The following KLF12 variants were observed in gnomAD, a reference collection of about 807,000 sequenced individuals.
The protein encoded by KLF12 is KLF transcription factor 12.
A neutral mutation model predicts 37.8 loss-of-function variants in KLF12; 9 were observed. The observed-to-expected ratio is 0.24, with a 90% CI of 0.14 to 0.42. The LOEUF is 0.42. KLF12 is among the 10% of genes least tolerant of loss of function. The pLI, the probability that KLF12 is intolerant of heterozygous loss-of-function variation, is 1.00. For missense variants in KLF12, 411 were observed against 516.0 expected, an observed-to-expected ratio of 0.80 and a Z score of 1.97; for synonymous variants, 208 against 202.1, an observed-to-expected ratio of 1.03 and a Z score of -0.25.
intron 3 of KLF12, among the ~76,000 whole-genome samples, chr13:73,854,234 TTA>T (rs1315254983): frequency 6.6e-6 from 1 of 152,230 alleles, no homozygotes; most frequent in Non-Finnish European, 1.5e-5. Flanking sequence ...GGATAAATCT[TTA>T]TCCTAAACCA....
At chr13:74,196,189 AT>A in the KLF12 span, among the ~76,000 whole-genome samples, 1 of 152,074 alleles carries the variant, frequency 6.6e-6, no homozygotes, top group East Asian at 1.9e-4. Context: ...CATATTTGGT[AT>A]GTTGGATATC....
chr13:73,730,370 G>C (rs1219943752), intron 6 of KLF12, among the ~76,000 whole-genome samples: 1 of 152,078 alleles, frequency 6.6e-6, no homozygotes, highest in African/African-American at 2.4e-5. Flanking sequence ...AAAAACCTTG[G>C]TGGCAGGTTA....
chr13:73,873,741 A>G (rs1200063763), intron 3 of KLF12, among the ~76,000 whole-genome samples: 1 of 152,184 alleles, frequency 6.6e-6, no homozygotes, highest in Non-Finnish European at 1.5e-5. Context: ...ACATGCTATA[A>G]AAAGATTTAA....
the KLF12 span, among the ~76,000 whole-genome samples, chr13:74,168,716 A>G: frequency 6.6e-6 from 1 of 152,236 alleles, no homozygotes; most frequent in East Asian, 1.9e-4. Context: ...GTGAGTTAGG[A>G]GGCTGCTGAA....
chr13:74,019,891 GT>G (rs1232964498), intron 1 of KLF12, among the ~76,000 whole-genome samples: 1 of 152,180 alleles, frequency 6.6e-6, no homozygotes, highest in Non-Finnish European at 1.5e-5. Flanking sequence ...TTAAATATAA[GT>G]GTCAGGCAGT....
At chr13:74,259,120 C>T in the KLF12 span, 10 of 152,378 alleles carry the variant, frequency 6.6e-5, no homozygotes, top group Admixed American at 2.0e-4. Flanking sequence ...CAGAGAAAGC[C>T]CGAGGATGGA....
chr13:73,992,421 GAAGTA>G (rs1891992831), intron 2 of KLF12, among the ~76,000 whole-genome samples: 1 of 152,230 alleles, frequency 6.6e-6, no homozygotes, highest in South Asian at 2.1e-4. Flanking sequence ...GTAACTTAAT[GAAGTA>G]AAGAAAAACT....
chr13:74,226,703 G>C, the KLF12 span, among the ~76,000 whole-genome samples: 3 of 152,102 alleles, frequency 2.0e-5, no homozygotes, highest in African/African-American at 7.2e-5. Context: ...GTATCAAAAT[G>C]AGTCTGCACA....
chr13:73,733,797 A>T (rs1877247136), intron 6 of KLF12, among the ~76,000 whole-genome samples: 1 of 152,026 alleles, frequency 6.6e-6, no homozygotes, highest in African/African-American at 2.4e-5. Flanking sequence ...AAGGGTTCCA[A>T]TTTTTCTATA....
chr13:73,876,316 T>C (rs1356422694), intron 3 of KLF12, among the ~76,000 whole-genome samples: 4 of 152,190 alleles, frequency 2.6e-5, no homozygotes, highest in South Asian at 2.1e-4. Flanking sequence ...CAGCTTTTAG[T>C]GGCTACTCTC....
the KLF12 span, among the ~76,000 whole-genome samples, chr13:74,187,731 A>G: frequency 0.02 from 3,048 of 152,254 alleles, 114 homozygotes; most frequent in African/African-American, 0.068. Context: ...TCCCTGAAGG[A>G]TACCAGGATG....
chr13:73,796,350 T>C (rs533504635), intron 5 of KLF12, among the ~76,000 whole-genome samples: 3 of 148,160 alleles, frequency 2.0e-5, no homozygotes, highest in African/African-American at 7.5e-5. Context: ...AAACTAGATC[T>C]GTACTATCTC....
intron 3 of KLF12, among the ~76,000 whole-genome samples, chr13:73,881,107 G>C (rs1396512080): frequency 3.3e-5 from 5 of 151,966 alleles, no homozygotes; most frequent in Non-Finnish European, 7.4e-5. Flanking sequence ...AAATTAAAAA[G>C]AAATTAAGCT....
intron 3 of KLF12, among the ~76,000 whole-genome samples, chr13:73,859,613 C>T (rs1885810033): frequency 6.6e-6 from 1 of 152,140 alleles, no homozygotes; most frequent in East Asian, 1.9e-4. Flanking sequence ...AATTTAATGG[C>T]ATGATGCAGA....
intron 6 of KLF12, among the ~76,000 whole-genome samples, chr13:73,755,833 T>A (rs183589203): frequency 5.6e-4 from 85 of 152,232 alleles, no homozygotes; most frequent in African/African-American, 1.8e-3. Flanking sequence ...CTGCCACTTA[T>A]GAGTGAGAAC....
At chr13:73,775,472 G>C (rs1264465616) in intron 5 of KLF12, among the ~76,000 whole-genome samples, 1 of 152,130 alleles carries the variant, frequency 6.6e-6, no homozygotes, top group African/African-American at 2.4e-5. Flanking sequence ...AGGTTATACA[G>C]ATCCCAAATT....
chr13:73,927,875 TTCAGA>T (rs1304967063), intron 3 of KLF12, among the ~76,000 whole-genome samples: 76 of 149,622 alleles, frequency 5.1e-4, no homozygotes, highest in African/African-American at 1.8e-3. Flanking sequence ...TTTTTTTTTT[TTCAGA>T]CAGAGTCTCA....
At chr13:73,956,974 G>C (rs9318234) in intron 2 of KLF12, among the ~76,000 whole-genome samples, 3 of 148,548 alleles carry the variant, frequency 2.0e-5, no homozygotes, top group Admixed American at 6.9e-5. Flanking sequence ...GAAAGGAAAG[G>C]AGGGAAAGGA....
chr13:73,929,613 T>C (rs1305070367), intron 3 of KLF12, among the ~76,000 whole-genome samples: 1 of 152,176 alleles, frequency 6.6e-6, no homozygotes, highest in Admixed American at 6.5e-5. Context: ...GAAATCTCAG[T>C]ACATCAGAGA....
Sources: allele counts gnomAD v4.1 joint callset (sites outside exome capture counted in the v4.1 genomes callset), GRCh38; gene constraint gnomAD v4.1.1; transcripts MANE v1.5; gene names NCBI Gene and HGNC (gene_info 2026-07-23, HGNC 2026-07-21).